CTNNA2: variants seen among roughly 807,000 people sequenced by gnomAD.
CTNNA2 encodes the protein catenin alpha-2.
CTNNA2 carries 42 observed loss-of-function variants against 101.0 expected under a neutral mutation model. The observed-to-expected ratio is 0.42, with a 90% CI of 0.32 to 0.54. The LOEUF is 0.54. Ranked by LOEUF, CTNNA2 falls within the 20% of genes least tolerant of loss-of-function variation. The probability of loss-of-function intolerance (pLI) is 0.14; values close to 1 mark genes in which losing one functional copy is unlikely to be tolerated. For synonymous variants in CTNNA2, 450 were observed against 456.4 expected, an observed-to-expected ratio of 0.99 and a Z score of 0.18; for missense variants, 871 against 1,223.1, an observed-to-expected ratio of 0.71 and a Z score of 4.29.
chr2:80,461,550 G>A (rs976673767), intron 9 of CTNNA2, among the ~76,000 whole-genome samples: 1 of 151,998 alleles, frequency 6.6e-6, no homozygotes, highest in African/African-American at 2.4e-5. Flanking sequence ...CTTAACTAGT[G>A]TCATTGAATG....
chr2:79,280,814 G>T (rs1675357721), intron 2 of CTNNA2, among the ~76,000 whole-genome samples: 1 of 151,984 alleles, frequency 6.6e-6, no homozygotes, highest in South Asian at 2.1e-4. Context: ...CACACCTGAA[G>T]AAAGGAAAGT....
intron 4 of CTNNA2, among the ~76,000 whole-genome samples, chr2:79,417,418 A>T (rs1221232827): frequency 1.3e-5 from 2 of 152,162 alleles, no homozygotes; most frequent in Non-Finnish European, 2.9e-5. Flanking sequence ...TGCTTAAGAC[A>T]ATTGAGACAA....
intron 17 of CTNNA2, among the ~76,000 whole-genome samples, chr2:80,617,446 T>A (rs1221735740): frequency 6.6e-6 from 1 of 151,814 alleles, no homozygotes; most frequent in Non-Finnish European, 1.5e-5. Context: ...CTTAGAATTG[T>A]TGAAAATAAA....
chr2:79,693,445 G>A (rs1255870521), intron 2 of CTNNA2, among the ~76,000 whole-genome samples: 3 of 151,800 alleles, frequency 2.0e-5, no homozygotes, highest in African/African-American at 7.3e-5. Flanking sequence ...TCATTTTTCT[G>A]TTCATTCTTT....
intron 12 of CTNNA2, among the ~76,000 whole-genome samples, chr2:80,569,065 C>A (rs537006842): frequency 7.9e-5 from 12 of 152,260 alleles, no homozygotes; most frequent in African/African-American, 2.6e-4. Context: ...GTTGACCTTG[C>A]ATTTTGCCCT....
At chr2:80,023,425 A>G (rs910723146) in intron 7 of CTNNA2, among the ~76,000 whole-genome samples, 3 of 152,046 alleles carry the variant, frequency 2.0e-5, no homozygotes, top group Non-Finnish European at 4.4e-5. Flanking sequence ...CTACTGACCA[A>G]GGGGCCAGTG....
intron 13 of CTNNA2, among the ~76,000 whole-genome samples, chr2:80,575,486 CAGAGAAA>C (rs1300632708): frequency 4.6e-5 from 7 of 151,442 alleles, no homozygotes; most frequent in Non-Finnish European, 1.0e-4. Context: ...GGGAGGGGGA[CAGAGAAA>C]AGAGATATAA....
At chr2:79,253,113 C>G (rs1467641115) in intron 2 of CTNNA2, among the ~76,000 whole-genome samples, 3 of 152,172 alleles carry the variant, frequency 2.0e-5, no homozygotes, top group African/African-American at 7.2e-5. Flanking sequence ...GTCTCAATTT[C>G]TCAATCTGTG....
intron 4 of CTNNA2, among the ~76,000 whole-genome samples, chr2:79,434,974 C>G (rs1182768443): frequency 6.6e-6 from 1 of 152,110 alleles, no homozygotes; most frequent in African/African-American, 2.4e-5. Flanking sequence ...GGTCAGAAAA[C>G]CATAACCATT....
intron 7 of CTNNA2, among the ~76,000 whole-genome samples, chr2:80,151,736 G>A (rs113850606): frequency 6.6e-6 from 1 of 152,156 alleles, no homozygotes; most frequent in African/African-American, 2.4e-5. Context: ...GGTTCCTACT[G>A]GTCCCGATTT....
chr2:80,261,608 A>G (rs1672614038), intron 7 of CTNNA2, among the ~76,000 whole-genome samples: 1 of 152,252 alleles, frequency 6.6e-6, no homozygotes, highest in African/African-American at 2.4e-5. Flanking sequence ...GACTTTCACT[A>G]CCAATATGGT....
intron 14 of CTNNA2, 80 bp downstream of exon 14, chr2:80,581,899 A>G: frequency 1.2e-6 from 1 of 821,576 alleles, no homozygotes; most frequent in Non-Finnish European, 2.1e-6. Flanking sequence ...TCTAAACTCC[A>G]GACACGTGGT....
intron 7 of CTNNA2, among the ~76,000 whole-genome samples, chr2:80,273,801 G>A (rs1673686250): frequency 6.6e-6 from 1 of 152,142 alleles, no homozygotes; most frequent in East Asian, 1.9e-4. Flanking sequence ...AGCAATTGCA[G>A]TCCTCCTCTA....
chr2:80,244,062 G>T (rs144120613), intron 7 of CTNNA2, among the ~76,000 whole-genome samples: 2 of 152,268 alleles, frequency 1.3e-5, no homozygotes, highest in East Asian at 3.9e-4. Context: ...GAAAAACACA[G>T]ACCAAGGGAT....
At chr2:80,194,610 G>A (rs1165297561) in intron 7 of CTNNA2, among the ~76,000 whole-genome samples, 1 of 151,130 alleles carries the variant, frequency 6.6e-6, no homozygotes, top group Non-Finnish European at 1.5e-5. Context: ...ACCAGACCCA[G>A]GCAAATATCT....
chr2:80,555,835 T>C lies in CTNNA2; in HGVS notation c.1683T>C (p.Tyr561=), dbSNP rs2149659955. The stretch of plus-strand genomic sequence containing the variant: ...TCATCAATGCTGAGATGGAGAACTA[T>C]GAAGCTGGGGTTTATACTGAGAAGG... ...IHIINAEMEN[Y]EAGVYTEKVL... The change falls in exon 12 of 19, where the codon TAT becomes TAC. Residue 561 remains tyrosine (Y), a synonymous_variant. Transcript: ENST00000402739. The C allele has an allele frequency of 6.3e-7, 1 of 1,594,824 alleles. No individual in the cohort carries two copies. The highest frequency in any genetic ancestry group is 8.5e-7 in the Non-Finnish European group (1 of 1,171,272).
chr2:79,415,936 T>G (rs1028463268), intron 4 of CTNNA2, among the ~76,000 whole-genome samples: 1 of 152,144 alleles, frequency 6.6e-6, no homozygotes, highest in African/African-American at 2.4e-5. Context: ...CTTGCTTGCT[T>G]GTCTTTTGTA....
intron 7 of CTNNA2, among the ~76,000 whole-genome samples, chr2:80,043,797 G>A (rs62141403): frequency 2.2e-3 from 334 of 152,242 alleles, no homozygotes; most frequent in African/African-American, 2.9e-3. Flanking sequence ...ACAAGTCTTC[G>A]CAATGTATCC....
At chr2:79,286,685 C>T (rs1235151115) in intron 2 of CTNNA2, among the ~76,000 whole-genome samples, 1 of 152,168 alleles carries the variant, frequency 6.6e-6, no homozygotes, top group Non-Finnish European at 1.5e-5. Flanking sequence ...CCGCCCTTAA[C>T]ATTTTTTTCC....
Sources: gnomAD v4.1 joint callset for allele counts (sites outside exome capture counted in the v4.1 genomes callset) on GRCh38, gnomAD v4.1.1 for gene constraint, MANE v1.5 for transcripts, NCBI Gene and HGNC (gene_info 2026-07-23, HGNC 2026-07-21) for gene names.